MAP4K5: variants seen among roughly 807,000 people sequenced by gnomAD.
MAP4K5 encodes MAPK/ERK kinase kinase kinase 5.
Under a neutral mutation model 135.6 loss-of-function variants are expected in MAP4K5, and 82 were observed. That is an observed-to-expected ratio of 0.60 (90% CI 0.51 to 0.73). MAP4K5 has a LOEUF of 0.73. Ranked by LOEUF, MAP4K5 falls within the 30% of genes least tolerant of loss-of-function variation. The probability of loss-of-function intolerance (pLI) is 0.00; values close to 1 mark genes in which losing one functional copy is unlikely to be tolerated. For missense variants in MAP4K5, 907 were observed against 1,010.9 expected (o/e 0.90, Z 1.39); for synonymous variants, 347 against 335.0 (o/e 1.04, Z -0.39).
intron 2 of MAP4K5, among the ~76,000 whole-genome samples, chr14:50,540,445 T>C (rs2038546962): frequency 6.6e-6 from 1 of 152,154 alleles, no homozygotes; most frequent in East Asian, 1.9e-4. Flanking sequence ...TGAGGGCGGA[T>C]GTCTTTGAGG....
intron 11 of MAP4K5, among the ~76,000 whole-genome samples, chr14:50,465,363 T>C (rs964408235): frequency 1.3e-5 from 2 of 152,192 alleles, no homozygotes; most frequent in African/African-American, 4.8e-5. Flanking sequence ...CAGAAACTTA[T>C]TTGCACAGCT....
chr14:50,464,000 A>G (rs1396990849), intron 12 of MAP4K5, 52 bp downstream of exon 12: 3 of 956,388 alleles, frequency 3.1e-6, no homozygotes, highest in Non-Finnish European at 4.8e-6. Flanking sequence ...TGTTCTACTG[A>G]TATGTCTAAT....
In MAP4K5 at chr14:50,445,162, A is replaced by G. The variant is rs1284342569; in HGVS notation, c.1218T>C (p.Phe406=). Residue 406 remains phenylalanine (F), a synonymous_variant, in exon 18 of 33, where the codon TTT becomes TTC. Transcript: ENST00000682126. ...TGGTTGATGCTTTTTCTTCATCCGG[A>G]AAGTTGTCTTCAGGGTAACTGCTTA... ...PRISSYPEDN[F]PDEEKASTIK... 1.9e-6 allele frequency: 3 copies of G among 1,613,502 alleles called. No individual in the cohort carries two copies. The highest frequency in any genetic ancestry group is 1.1e-5 in the South Asian group (1 of 91,022).
chr14:50,556,522 C>T (rs1411772244), intron 1 of MAP4K5, among the ~76,000 whole-genome samples: 1 of 152,158 alleles, frequency 6.6e-6, no homozygotes, highest in East Asian at 1.9e-4. Context: ...CCAGCCTAAT[C>T]CAGTGGCTTT....
At position 50,423,277 on chromosome 14, in the gene MAP4K5, T is replaced by C. The variant is rs540218637; in HGVS notation, c.2398-101A>G. 1.6e-5 allele frequency: 9 copies of C among 546,936 alleles called. No individual in the cohort carries two copies. In the East Asian group the frequency reaches 2.6e-4, roughly 16 times the overall value. 33.9% of individuals were successfully genotyped at this position (546,936 alleles called of 1,614,324 possible). ...GCAATTATTAACACAATAAATATTT[T>C]TTGGTAGACTTAATTCCTCAAATAA... On this transcript the variant is annotated intron_variant, in intron 31 of 32. Coordinates refer to ENST00000682126, the MANE Select transcript of MAP4K5 (RefSeq NM_006575.6).
chr14:50,489,415 G>A (rs1226391158), intron 3 of MAP4K5, among the ~76,000 whole-genome samples: 1 of 152,156 alleles, frequency 6.6e-6, no homozygotes, highest in Non-Finnish European at 1.5e-5. Context: ...GTAAGGATGA[G>A]ACTAGTTGAG....
At chr14:50,482,144 C>T (rs1211823782) in intron 6 of MAP4K5, among the ~76,000 whole-genome samples, 4 of 152,170 alleles carry the variant, frequency 2.6e-5, no homozygotes, top group Non-Finnish European at 5.9e-5. Flanking sequence ...ATGTCGGCAT[C>T]AGCTTAAATG....
At chr14:50,441,068 A>G (rs533761897) in intron 21 of MAP4K5, among the ~76,000 whole-genome samples, 4 of 152,328 alleles carry the variant, frequency 2.6e-5, no homozygotes, top group African/African-American at 9.6e-5. Context: ...GAGATAGATC[A>G]TATCGCATGG....
Position 50,440,342 on chromosome 14 carries a change from G to C in MAP4K5, c.1644+20C>G. The C allele has an allele frequency of 6.7e-7, 1 of 1,489,674 alleles. No homozygotes were observed. The allele number at this position is 1,489,674 out of a possible 1,614,324, so 92.3% of individuals were successfully genotyped here. On this transcript the variant is annotated intron_variant, in intron 22 of 32. Coordinates refer to ENST00000682126, the MANE Select transcript of MAP4K5 (RefSeq NM_006575.6). ...TTCAATTTGTTTAAATTAATTTCTT[G>C]AATTAAAATGCCTAATTACCTGTTC...
rs2036890133 is a variant in MAP4K5 at position 50,468,776 on chromosome 14, G to A, written c.549C>T (p.Ala183=). The A allele has an allele frequency of 1.2e-6, 2 of 1,608,432 alleles. No individual in the cohort carries two copies. Among genetic ancestry groups the A allele is most frequent in the South Asian group, 1.1e-5 (1 of 90,016 alleles). ...TCTTCTCTACTGCTGCAACTTCTGG[G>A]GCCATCCTAGAAGGAATCAATGAAT... ...KSFIGTPYWM[A]PEVAAVEKNG... Residue 183 remains alanine (A), a synonymous_variant, in exon 10 of 33, where the codon GCC becomes GCT. Transcript: ENST00000682126.
intron 3 of MAP4K5, among the ~76,000 whole-genome samples, chr14:50,502,688 A>G (rs2037732200): frequency 6.6e-6 from 1 of 152,146 alleles, no homozygotes; most frequent in Non-Finnish European, 1.5e-5. Context: ...ATACGCAACA[A>G]AAGTTTTGGT....
intron 2 of MAP4K5, among the ~76,000 whole-genome samples, chr14:50,525,079 T>C (rs1303843155): frequency 6.6e-6 from 1 of 152,186 alleles, no homozygotes; most frequent in East Asian, 1.9e-4. Context: ...CAAACTCTCC[T>C]GGGTGACCTC....
At chr14:50,548,410 A>T (rs773538611) in intron 1 of MAP4K5, among the ~76,000 whole-genome samples, 3 of 152,188 alleles carry the variant, frequency 2.0e-5, no homozygotes, top group Non-Finnish European at 2.9e-5. Flanking sequence ...CTGCCACAGG[A>T]TCCTTTTGTA....
intron 5 of MAP4K5, 120 bp downstream of exon 5, chr14:50,485,458 G>T: frequency 1.5e-6 from 1 of 647,122 alleles, no homozygotes; most frequent in Non-Finnish European, 2.7e-6. Context: ...GCAGTGCTCC[G>T]GGAACAGAAG....
chr14:50,497,088 C>T (rs148148171), intron 3 of MAP4K5, among the ~76,000 whole-genome samples: 1 of 152,188 alleles, frequency 6.6e-6, no homozygotes, highest in African/African-American at 2.4e-5. Context: ...ATTAGCAGTA[C>T]TTTTTCAGAA....
chr14:50,473,108 T>C (rs1304240673), intron 9 of MAP4K5, among the ~76,000 whole-genome samples: 2 of 152,186 alleles, frequency 1.3e-5, no homozygotes, highest in Non-Finnish European at 2.9e-5. Flanking sequence ...TTTATATGTC[T>C]AAAAGGTTGT....
chr14:50,435,952 C>T (rs1303748175), intron 26 of MAP4K5, among the ~76,000 whole-genome samples: 1 of 152,098 alleles, frequency 6.6e-6, no homozygotes, highest in Non-Finnish European at 1.5e-5. Context: ...TTGTGCATCA[C>T]AGATCTTGGG....
intron 15 of MAP4K5, among the ~76,000 whole-genome samples, chr14:50,448,454 AAAAC>A (rs1299460422): frequency 6.6e-6 from 1 of 152,084 alleles, no homozygotes; most frequent in Non-Finnish European, 1.5e-5. Context: ...AATTTACTAT[AAAAC>A]AAACAGAATC....
At chr14:50,494,631 AAAG>A (rs1334014545) in intron 3 of MAP4K5, among the ~76,000 whole-genome samples, 4 of 152,200 alleles carry the variant, frequency 2.6e-5, no homozygotes, top group East Asian at 1.9e-4. Flanking sequence ...CAATTTTGAA[AAAG>A]AAGAACAAAG....
Sources: allele counts gnomAD v4.1 joint callset (sites outside exome capture counted in the v4.1 genomes callset), GRCh38; gene constraint gnomAD v4.1.1; transcripts MANE v1.5; gene names NCBI Gene and HGNC (gene_info 2026-07-23, HGNC 2026-07-21).